Variants in PDF observed in about 807,000 individuals in gnomAD.
The protein encoded by PDF is peptide deformylase, mitochondrial, also known as peptide deformylase-like protein.
Under a neutral mutation model 20.3 loss-of-function variants are expected in PDF, and 31 were observed. The ratio of observed to expected loss-of-function variants is 1.52; its 90% confidence interval spans 1.15 to 2.06. The LOEUF is 2.06. Ranked by LOEUF, PDF falls within the 30% of genes most tolerant of loss-of-function variation. PDF has a pLI of 0.00. For missense variants in PDF, 447 were observed against 362.5 expected (o/e 1.23, Z -1.89); for synonymous variants, 254 against 172.0 (o/e 1.48, Z -3.73).
chr16:69,329,538 C>T (rs930587682), intron 1 of PDF, among the ~76,000 whole-genome samples: 2 of 152,216 alleles, frequency 1.3e-5, no homozygotes, highest in African/African-American at 4.8e-5. Context: ...GTTTTTCTGA[C>T]CATCTTGAAC....
rs1156534475 is a variant in PDF at position 69,330,378 on chromosome 16, A to C, written c.193T>G (p.Ser65Ala). Residue 65 changes from serine (S) to alanine (A), a missense_variant, in exon 1 of 2, where the codon TCG (serine) becomes GCG (alanine). Ser to Ala is a moderately conservative substitution (Grantham distance 99). Coordinates refer to ENST00000288022, the MANE Select transcript of PDF (RefSeq NM_022341.2). ...LVLGPPEPPFSHVCQVGDPVL... is the reference protein window; with the variant it reads ...LVLGPPEPPFAHVCQVGDPVL... Reference sequence around the variant, plus strand: ...GGGTCCCCGACTTGGCACACGTGCGAGAACGGCGGTTCGGGAGGACCCAGC... The same window carrying C: ...GGGTCCCCGACTTGGCACACGTGCGCGAACGGCGGTTCGGGAGGACCCAGC... 2 of 1,479,384 alleles carry C rather than the reference A, an allele frequency of 1.4e-6. No homozygotes were observed. The highest frequency in any genetic ancestry group is 1.5e-5 in the African/African-American group (1 of 68,296). The allele number at this position is 1,479,384 out of a possible 1,614,324, so 91.6% of individuals were successfully genotyped here.
Position 69,330,036 on chromosome 16 carries a change from G to C in PDF, c.535C>G (p.Leu179Val), listed in dbSNP as rs1373921668. ...PEGCESVAGF[L>V]ACVPRFQAVQ... ...GCCTGGAAGCGGGGCACGCAGGCCA[G>C]GAAGCCGGCGACGCTCTCGCAGCCC... The change falls in exon 1 of 2, where the codon CTG (leucine) becomes GTG (valine). Residue 179 changes from leucine (L) to valine (V), a missense_variant. Physicochemically the swap from Leu to Val is conservative, Grantham distance 32. Transcript: ENST00000288022. 6.5e-7 allele frequency: 1 copy of C among 1,546,478 alleles called. No homozygotes were observed. Among genetic ancestry groups the C allele is most frequent in the East Asian group, 2.5e-5 (1 of 39,644 alleles).
chr16:69,329,290 C>T, intron 1 of PDF, 111 bp from the exon 2 acceptor site: 2 of 1,170,140 alleles, frequency 1.7e-6, no homozygotes, highest in Non-Finnish European at 2.3e-6. Flanking sequence ...GAGGCAACAG[C>T]AGATGGCAAA....
At position 69,326,949 on chromosome 16, in the gene PDF, A is replaced by G. The variant is rs933689057; in HGVS notation, c.*2073T>C. 3.9e-5 allele frequency: 6 copies of G among 152,286 alleles called. No individual in the cohort carries two copies. Among genetic ancestry groups the G allele is most frequent in the African/African-American group, 1.4e-4 (6 of 41,562 alleles). The allele number at this position is 152,286 out of a possible 1,614,324, so 9.4% of individuals were successfully genotyped here. ...TTGCATTTTATTGCTACCGATGCCC[A>G]CCACAAAAGCGTTAACCTCAGAAAG... On this transcript the variant is annotated 3_prime_UTR_variant, in exon 2 of 2. Coordinates refer to ENST00000288022, the MANE Select transcript of PDF (RefSeq NM_022341.2).
rs1313192995 is a variant in PDF, at chr16:69,328,321, C to T, written c.*701G>A. 6.6e-6 allele frequency: 1 copy of T among 152,158 alleles called. No homozygotes were observed. 9.4% of individuals were successfully genotyped at this position (152,158 alleles called of 1,614,324 possible). On this transcript the variant is annotated 3_prime_UTR_variant, in exon 2 of 2. Coordinates refer to ENST00000288022, the MANE Select transcript of PDF (RefSeq NM_022341.2). ...AAAATAAGTGTATAACCAGGAAGTA[C>T]TAATCCTGCTTTCTATGCCCAATTG...
chr16:69,329,292 G>C, intron 1 of PDF, 113 bp from the exon 2 acceptor site: 1 of 1,131,620 alleles, frequency 8.8e-7, no homozygotes, highest in Admixed American at 3.5e-5. Flanking sequence ...GGCAACAGCA[G>C]ATGGCAAATG....
chr16:69,330,222 C>A lies in PDF; in HGVS notation c.349G>T (p.Gly117Trp). ...AGCGCCAGCACCTGCCGCGGCACCC[C>A]CAGCTGCGGCGCGCTTAGGCCCACG... ...RCVGLSAPQL[G>W]VPRQVLALEL... The change falls in exon 1 of 2, where the codon GGG (glycine) becomes TGG (tryptophan). Residue 117 changes from glycine to tryptophan, a missense_variant. Physicochemically the swap from Gly to Trp is radical, Grantham distance 184. Coordinates refer to ENST00000288022, the MANE Select transcript of PDF (RefSeq NM_022341.2). 6.9e-7 allele frequency: 1 copy of A among 1,452,570 alleles called. No individual in the cohort carries two copies. The highest frequency in any genetic ancestry group is 9.0e-7 in the Non-Finnish European group (1 of 1,111,028). 90.0% of individuals were successfully genotyped at this position (1,452,570 alleles called of 1,614,324 possible). A position where few individuals can be genotyped will look rare whatever the true frequency, so the allele number is the denominator to read the frequency against.
chr16:69,330,014 T>C lies in PDF; in HGVS notation c.557A>G (p.Gln186Arg). Reference protein sequence around the residue: ...AGFLACVPRFQAVQISGLDPN... With the variant: ...AGFLACVPRFRAVQISGLDPN... ...GCCCGCACCTGAGATCTGCACCGCC[T>C]GGAAGCGGGGCACGCAGGCCAGGAA... Residue 186 changes from glutamine to arginine, a missense_variant, in exon 1 of 2, where the codon CAG (glutamine) becomes CGG (arginine). By Grantham distance (43) the Gln-to-Arg change is conservative. Transcript: ENST00000288022. 6.5e-7 allele frequency: 1 copy of C among 1,539,602 alleles called. No homozygotes were observed. Among genetic ancestry groups the C allele is most frequent in the Non-Finnish European group, 8.7e-7 (1 of 1,142,884 alleles).
Position 69,330,097 on chromosome 16 carries a change from C to G in PDF, c.474G>C (p.Leu158=). The G allele has an allele frequency of 6.3e-7, 1 of 1,580,384 alleles. No homozygotes were observed. Among genetic ancestry groups the G allele is most frequent in the Admixed American group, 1.8e-5 (1 of 56,372 alleles). The stretch of plus-strand genomic sequence containing the variant: ...TGACCAGGCGGCTGTCAAGCACTCG[C>G]AGGCTGGGGTTCACGAACACGCGCA... ...FPLRVFVNPS[L]RVLDSRLVTF... is the part of the protein sequence containing the mutation. Residue 158 remains leucine, a synonymous_variant, in exon 1 of 2, where the codon CTG becomes CTC. Coordinates refer to ENST00000288022, the MANE Select transcript of PDF (RefSeq NM_022341.2).
rs1567428326 is a variant in PDF, at chr16:69,329,157, C to CTGTT, written c.593_596dup (p.Val200ThrfsTer28). 6.2e-7 allele frequency: 1 copy of CTGTT among 1,607,484 alleles called. No individual in the cohort carries two copies. Among genetic ancestry groups the CTGTT allele is most frequent in the South Asian group, 1.1e-5 (1 of 90,308 alleles). On this transcript the variant is annotated frameshift_variant, in exon 2 of 2. Transcript: ENST00000288022. LOFTEE classifies it high-confidence loss of function. ...CCCACCCGCTCGCCTGCCACACCAC[C>CTGTT]TGTTCTCCATTGGGGTCCAGCCCTG...
Position 69,330,523 on chromosome 16 carries a change from G to C in PDF, c.48C>G (p.Ala16=). The C allele has an allele frequency of 6.8e-7, 1 of 1,474,820 alleles. No individual in the cohort carries two copies. The highest frequency in any genetic ancestry group is 8.9e-7 in the Non-Finnish European group (1 of 1,121,744). 91.4% of individuals were successfully genotyped at this position (1,474,820 alleles called of 1,614,324 possible). ...GALSLWPLWA[A]VPWGGAAAVG... is the part of the protein sequence containing the mutation. The stretch of plus-strand genomic sequence containing the variant: ...CGGCTGCCGCCCCGCCCCACGGCAC[G>C]GCCGCCCACAGTGGCCAAAGACTCA... Residue 16 remains alanine (A), a synonymous_variant, in exon 1 of 2, where the codon GCC becomes GCG. Coordinates refer to ENST00000288022, the MANE Select transcript of PDF (RefSeq NM_022341.2).
At position 69,327,160 on chromosome 16, in the gene PDF, C is replaced by CA. The variant is rs1491415005; in HGVS notation, c.*1861_*1862insT. 2 of 91,588 alleles carry CA rather than the reference C, an allele frequency of 2.2e-5. No homozygotes were observed. The highest frequency in any genetic ancestry group is 8.9e-5 in the African/African-American group (2 of 22,410). The allele number at this position is 91,588 out of a possible 1,614,324, so 5.7% of individuals were successfully genotyped here. Reference sequence around the variant, plus strand: ...TGCACCAGTATCTGGTTGGGATTCCCTTTTTTTTTTTTTTTTTTTTTTTTT... The same window carrying CA: ...TGCACCAGTATCTGGTTGGGATTCCCATTTTTTTTTTTTTTTTTTTTTTTTT... On this transcript the variant is annotated 3_prime_UTR_variant, in exon 2 of 2. Transcript: ENST00000288022.
rs767394291 is a variant in PDF, at chr16:69,329,009, C to CA, written c.*12dup. 536 of 1,600,916 alleles carry CA rather than the reference C, an allele frequency of 3.3e-4. No individual in the cohort carries two copies. Among genetic ancestry groups the CA allele is most frequent in the Non-Finnish European group, 4.3e-4 (509 of 1,176,254 alleles). ...TCTTGGTATCCGGAATCCTCAGCCC[C>CA]AGTAGCAAAGCTTTAGTCATTCACC... On this transcript the variant is annotated 3_prime_UTR_variant, in exon 2 of 2. Transcript: ENST00000288022.
chr16:69,329,297 C>T, intron 1 of PDF, 118 bp from the exon 2 acceptor site: 2 of 1,045,806 alleles, frequency 1.9e-6, no homozygotes, highest in East Asian at 6.0e-5. Flanking sequence ...CAGCAGATGG[C>T]AAATGTAGAC....
rs936046076 is a variant in PDF at position 69,329,909 on chromosome 16, T to C, written c.574+88A>G. The C allele has an allele frequency of 3.6e-6, 5 of 1,398,980 alleles. No homozygotes were observed. In the African/African-American group the frequency reaches 7.6e-5, roughly 21 times the overall value. The allele number at this position is 1,398,980 out of a possible 1,614,324, so 86.7% of individuals were successfully genotyped here. On this transcript the variant is annotated intron_variant, in intron 1 of 1. Coordinates refer to ENST00000288022, the MANE Select transcript of PDF (RefSeq NM_022341.2). ...TCGCTCCTGCGGGAGGTCCGGCGTA[T>C]GAACCGCGACCACTTCTGCGCTCTC...
rs1404891630 is a variant in PDF, at chr16:69,330,522, C to T, written c.49G>A (p.Val17Met). 8.1e-6 allele frequency: 12 copies of T among 1,474,586 alleles called. 1 individual carries two copies. In the Admixed American group the frequency reaches 2.9e-4, roughly 36 times the overall value. The allele number at this position is 1,474,586 out of a possible 1,614,324, so 91.3% of individuals were successfully genotyped here. ...ACGGCTGCCGCCCCGCCCCACGGCA[C>T]GGCCGCCCACAGTGGCCAAAGACTC... The part of the protein sequence containing the change: ...ALSLWPLWAA[V>M]PWGGAAAVGV... The change falls in exon 1 of 2, where the codon GTG becomes ATG. Residue 17 changes from valine to methionine, a missense_variant. Transcript: ENST00000288022.
chr16:69,329,020 C>T lies in PDF; in HGVS notation c.*2G>A. ...GGAATCCTCAGCCCCAGTAGCAAAG[C>T]TTTAGTCATTCACCTTCATCCAATA... On this transcript the variant is annotated 3_prime_UTR_variant, in exon 2 of 2. Coordinates refer to ENST00000288022, the MANE Select transcript of PDF (RefSeq NM_022341.2). 4.4e-6 allele frequency: 7 copies of T among 1,606,160 alleles called. No homozygotes were observed. The highest frequency in any genetic ancestry group is 2.3e-5 in the East Asian group (1 of 44,308).
chr16:69,328,358 G>A lies in PDF; in HGVS notation c.*664C>T, dbSNP rs1396702487. The stretch of plus-strand genomic sequence containing the variant: ...TCTATGCCCAATTGTTAACAGGAAA[G>A]GGCTCAGTGCACTTCTCAATTGTCA... On this transcript the variant is annotated 3_prime_UTR_variant, in exon 2 of 2. Transcript: ENST00000288022. 1 of 152,212 alleles carries A rather than the reference G, an allele frequency of 6.6e-6. No homozygotes were observed. The highest frequency in any genetic ancestry group is 6.5e-5 in the Admixed American group (1 of 15,272). 9.4% of individuals were successfully genotyped at this position (152,212 alleles called of 1,614,324 possible). A position where few individuals can be genotyped will look rare whatever the true frequency, so the allele number is the denominator to read the frequency against.
At position 69,328,896 on chromosome 16, in the gene PDF, G is replaced by T; in HGVS notation, c.*126C>A. 1.6e-6 allele frequency: 2 copies of T among 1,249,360 alleles called. No homozygotes were observed. Among genetic ancestry groups the T allele is most frequent in the Non-Finnish European group, 2.2e-6 (2 of 908,182 alleles). 77.4% of individuals were successfully genotyped at this position (1,249,360 alleles called of 1,614,324 possible). On this transcript the variant is annotated 3_prime_UTR_variant, in exon 2 of 2. Coordinates refer to ENST00000288022, the MANE Select transcript of PDF (RefSeq NM_022341.2). ...ATCTTCCTCCAGCTCAGTCTGCCAT[G>T]CCTTGGCAATCCAGTTTCCTGTCAT... is the stretch of plus-strand genomic sequence containing the variant.
Sources: allele counts gnomAD v4.1 joint callset (sites outside exome capture counted in the v4.1 genomes callset), GRCh38; gene constraint gnomAD v4.1.1; transcripts MANE v1.5; gene names NCBI Gene and HGNC (gene_info 2026-07-23, HGNC 2026-07-21).